The following ARHGEF10 variants were observed in gnomAD, a reference collection of about 807,000 sequenced individuals.
The protein encoded by ARHGEF10 is Rho guanine nucleotide exchange factor 10.
A neutral mutation model predicts 147.4 loss-of-function variants in ARHGEF10; 140 were observed. The observed-to-expected ratio is 0.95, with a 90% CI of 0.83 to 1.09. The LOEUF is 1.09. Ranked by LOEUF, ARHGEF10 falls within the 50% of genes least tolerant of loss-of-function variation. The pLI is 0.00. For synonymous variants in ARHGEF10, 902 were observed against 695.8 expected, an observed-to-expected ratio of 1.30 and a Z score of -4.67; for missense variants, 2,222 against 1,752.7, an observed-to-expected ratio of 1.27 and a Z score of -4.78.
intron 1 of ARHGEF10, among the ~76,000 whole-genome samples, chr8:1,826,697 C>A (rs538642162): frequency 3.3e-5 from 5 of 152,184 alleles, no homozygotes; most frequent in African/African-American, 1.2e-4. Flanking sequence ...GATGTGAAAA[C>A]GTCATAGTGA....
At chr8:1,876,985 C>T (rs1016178163) in intron 8 of ARHGEF10, among the ~76,000 whole-genome samples, 1 of 152,216 alleles carries the variant, frequency 6.6e-6, no homozygotes. Flanking sequence ...AGCTCACCAC[C>T]TTGAATAAGA....
At position 1,905,654 on chromosome 8, in the gene ARHGEF10, A is replaced by T; in HGVS notation, c.1905A>T (p.Lys635Asn). ...TVYNDRGEIV[K>N]TKERRVFMLN... ...ACAACGACAGAGGAGAGATTGTTAA[A>T]ACCAAAGAACGCCGAGTCTTCATGT... The change falls in exon 17 of 29, where the codon AAA becomes AAT. Residue 635 changes from lysine to asparagine, a missense_variant. Physicochemically the swap from Lys to Asn is moderately conservative, Grantham distance 94. Coordinates refer to ENST00000349830, the MANE Select transcript of ARHGEF10 (RefSeq NM_014629.4). 6.2e-7 allele frequency: 1 copy of T among 1,614,224 alleles called. No individual in the cohort carries two copies. Among genetic ancestry groups the T allele is most frequent in the African/African-American group, 1.3e-5 (1 of 75,052 alleles).
intron 27 of ARHGEF10, among the ~76,000 whole-genome samples, chr8:1,950,732 T>TTTTTTTTTTTTTTTTTTTTTTTTTTTTGG (rs1814970382): frequency 5.4e-4 from 1 of 1,850 alleles, no homozygotes; most frequent in Non-Finnish European, 1.7e-3. Flanking sequence ...TTTTTTAGGT[T>TTTTTTTTTTTTTTTTTTTTTTTTTTTTGG]TTTTTTTTTT....
chr8:1,860,091 C>A lies in ARHGEF10; in HGVS notation c.388C>A (p.Pro130Thr), dbSNP rs764955644. The A allele has an allele frequency of 1.9e-6, 3 of 1,614,078 alleles. No homozygotes were observed. The highest frequency in any genetic ancestry group is 2.5e-6 in the Non-Finnish European group (3 of 1,179,974). Residue 130 changes from proline to threonine, a missense_variant, in exon 4 of 29, where the codon CCC becomes ACC. Transcript: ENST00000349830. ...GCCCTGCGGGTACTTGGTGCCTGTA[C>A]CCTGCGGCTATGCGGTGCCCTCCAA... ...HVPCGYLVPV[P>T]CGYAVPSNLP...
At chr8:1,947,225 G>A (rs1814662311) in intron 27 of ARHGEF10, among the ~76,000 whole-genome samples, 1 of 152,214 alleles carries the variant, frequency 6.6e-6, no homozygotes, top group Non-Finnish European at 1.5e-5. Context: ...AAGGGGAGGT[G>A]AGGAGGGTGT....
At chr8:1,839,801 ACTGTCTTGTGTGGAAG>A (rs1404968051) in intron 1 of ARHGEF10, among the ~76,000 whole-genome samples, 33 of 107,060 alleles carry the variant, frequency 3.1e-4, no homozygotes, top group East Asian at 9.0e-4. Context: ...TGGTGTGGGG[ACTGTCTTGTGTGGAAG>A]CTGTCTGGTG....
intron 17 of ARHGEF10, among the ~76,000 whole-genome samples, chr8:1,908,436 G>A (rs930270420): frequency 1.4e-4 from 21 of 152,012 alleles, no homozygotes; most frequent in South Asian, 2.1e-4. Flanking sequence ...GTGTCACTGT[G>A]TTAGCCAGGA....
At chr8:1,836,540 G>A (rs1437601379) in intron 1 of ARHGEF10, among the ~76,000 whole-genome samples, 1 of 152,170 alleles carries the variant, frequency 6.6e-6, no homozygotes, top group Non-Finnish European at 1.5e-5. Context: ...GGGCTTCAGG[G>A]GGTGGGATGT....
intron 10 of ARHGEF10, among the ~76,000 whole-genome samples, chr8:1,883,139 C>G (rs577177208): frequency 6.6e-6 from 1 of 152,144 alleles, no homozygotes; most frequent in African/African-American, 2.4e-5. Flanking sequence ...TTTCAGGAAT[C>G]TTTTCCTTGG....
rs13250852 is a variant in ARHGEF10, at chr8:1,918,630, C to G, written c.2144-4334C>G. On this transcript the variant is annotated intron_variant, in intron 18 of 28. Coordinates refer to ENST00000349830, the MANE Select transcript of ARHGEF10 (RefSeq NM_014629.4). ...AATCAAGCTAAGTAGCTTATGCCTT[C>G]CTTCACACACTTACCATTTGTTCAT... 7.9e-5 allele frequency among the ~76,000 whole-genome samples: 12 copies of G among 152,238 alleles called. 1 individual carries two copies. The highest frequency in any genetic ancestry group is 2.0e-4 in the Admixed American group (3 of 15,302).
chr8:1,936,418 G>T (rs1446261006), intron 26 of ARHGEF10, among the ~76,000 whole-genome samples: 1 of 152,156 alleles, frequency 6.6e-6, no homozygotes, highest in Non-Finnish European at 1.5e-5. Context: ...GCTGAAGTGG[G>T]AGGATCACTT....
intron 1 of ARHGEF10, among the ~76,000 whole-genome samples, chr8:1,833,075 C>CAG (rs747114206): frequency 3.0e-3 from 2 of 662 alleles, no homozygotes; most frequent in Non-Finnish European, 9.6e-3. Context: ...GAGACAGAGG[C>CAG]AGAGAGACAG....
chr8:1,847,307 A>G (rs1417432973), intron 2 of ARHGEF10, among the ~76,000 whole-genome samples: 2 of 152,216 alleles, frequency 1.3e-5, no homozygotes, highest in African/African-American at 2.4e-5. Context: ...ACAAGTTAGC[A>G]TTTATGAAGT....
intron 18 of ARHGEF10, among the ~76,000 whole-genome samples, chr8:1,910,206 TCATAGG>T (rs1811255917): frequency 6.6e-6 from 1 of 152,238 alleles, no homozygotes; most frequent in South Asian, 2.1e-4. Flanking sequence ...AGTTAACCTT[TCATAGG>T]TTAAATATGC....
chr8:1,889,956 G>GT (rs1809314264), intron 11 of ARHGEF10, among the ~76,000 whole-genome samples: 5 of 148,360 alleles, frequency 3.4e-5, no homozygotes, highest in African/African-American at 1.3e-4. Context: ...GACACTGAGT[G>GT]GGGGAGGGGT....
intron 7 of ARHGEF10, chr8:1,869,860 TC>T (rs1806947260): frequency 5.9e-6 from 1 of 168,578 alleles, no homozygotes; most frequent in Non-Finnish European, 1.3e-5. Context: ...AGGACGTGGC[TC>T]TTTTAACCTG....
intron 11 of ARHGEF10, among the ~76,000 whole-genome samples, chr8:1,888,991 G>T (rs1809113489): frequency 9.3e-6 from 1 of 108,046 alleles, no homozygotes; most frequent in African/African-American, 3.8e-5. Context: ...GAGGTGTGAG[G>T]GGTCTACAAG....
At chr8:1,876,353 G>A in intron 7 of ARHGEF10, 1 of 602,692 alleles carries the variant, frequency 1.7e-6, no homozygotes, top group Admixed American at 2.8e-5. Flanking sequence ...AGAAACACCT[G>A]AAGTGCTTTT....
chr8:1,948,393 C>T lies in ARHGEF10; in HGVS notation c.3397+2738C>T, dbSNP rs935606291. Among the ~76,000 whole-genome samples the T allele has an allele frequency of 6.6e-6, 1 of 152,168 alleles. No homozygotes were observed. The highest frequency in any genetic ancestry group is 2.4e-5 in the African/African-American group (1 of 41,448). The stretch of plus-strand genomic sequence containing the variant: ...GATGGAGTGCCGTGCTTCTCGTTGG[C>T]AGGTTTCTCCGGCATTTCGGTACTA... On this transcript the variant is annotated intron_variant, in intron 27 of 28. Transcript: ENST00000349830. This position sits in a 1 kb window ranked among gnomAD's most constrained non-coding sequence, Gnocchi z 4.9.
Sources: gnomAD v4.1 joint callset for allele counts (sites outside exome capture counted in the v4.1 genomes callset) on GRCh38, gnomAD v4.1.1 for gene constraint, Gnocchi (gnomAD v3.1) non-coding constraint, MANE v1.5 for transcripts, NCBI Gene and HGNC (gene_info 2026-07-23, HGNC 2026-07-21) for gene names.